Variants in PHTF2 observed in about 807,000 individuals in gnomAD.
The protein encoded by PHTF2 is protein PHTF2.
Under a neutral mutation model 101.2 loss-of-function variants are expected in PHTF2, and 60 were observed. The ratio of observed to expected loss-of-function variants is 0.59; its 90% CI spans 0.48 to 0.73. The LOEUF (loss-of-function observed/expected upper bound fraction) is 0.73, where lower values mean the gene tolerates loss of function less well. Ranked by LOEUF, PHTF2 falls within the 30% of genes least tolerant of loss-of-function variation. PHTF2 has a pLI of 0.00. For missense variants in PHTF2, 747 were observed against 908.7 expected, an observed-to-expected ratio of 0.82 and a Z score of 2.29; for synonymous variants, 311 against 307.3, an observed-to-expected ratio of 1.01 and a Z score of -0.13.
intron 16 of PHTF2, among the ~76,000 whole-genome samples, chr7:77,946,073 TAAG>T (rs1806027409): frequency 6.6e-6 from 1 of 152,168 alleles, no homozygotes; most frequent in Non-Finnish European, 1.5e-5. Flanking sequence ...AACAAAATAC[TAAG>T]AAGATGAAGC....
intron 11 of PHTF2, among the ~76,000 whole-genome samples, chr7:77,925,744 G>C (rs1171535863): frequency 6.6e-6 from 1 of 152,026 alleles, no homozygotes; most frequent in African/African-American, 2.4e-5. Flanking sequence ...ACCACTCCCA[G>C]CCAGAGTTTT....
intron 7 of PHTF2, among the ~76,000 whole-genome samples, chr7:77,907,522 A>C (rs1801978275): frequency 6.6e-6 from 1 of 152,194 alleles, no homozygotes; most frequent in Non-Finnish European, 1.5e-5. Context: ...ATAGTACAAC[A>C]GCTGGGGTGG....
chr7:77,811,895 G>T (rs1480135709), intron 1 of PHTF2, among the ~76,000 whole-genome samples: 1 of 151,880 alleles, frequency 6.6e-6, no homozygotes, highest in Non-Finnish European at 1.5e-5. Context: ...ATATGTGGTG[G>T]GTGTGTGTAA....
At chr7:77,834,312 CAAAAAAAAA>C (rs34947684) in intron 1 of PHTF2, among the ~76,000 whole-genome samples, 2 of 89,086 alleles carry the variant, frequency 2.2e-5, no homozygotes, top group Admixed American at 1.3e-4. Context: ...GACCTTGTCT[CAAAAAAAAA>C]AAAAAAAAAA....
chr7:77,842,715 AT>A (rs1795985669), intron 2 of PHTF2, among the ~76,000 whole-genome samples: 1 of 152,200 alleles, frequency 6.6e-6, no homozygotes. Context: ...GAATACTGGC[AT>A]TTATGGGTGG....
At chr7:77,853,169 C>G (rs1219123154) in intron 2 of PHTF2, among the ~76,000 whole-genome samples, 4 of 152,242 alleles carry the variant, frequency 2.6e-5, no homozygotes, top group African/African-American at 9.6e-5. Flanking sequence ...CCCAATATCT[C>G]TCTCTCTGCC....
intron 9 of PHTF2, among the ~76,000 whole-genome samples, chr7:77,914,762 C>T (rs1220530146): frequency 6.6e-6 from 1 of 152,028 alleles, no homozygotes; most frequent in African/African-American, 2.4e-5. Flanking sequence ...TCTGAAAAAC[C>T]TACCAGAAAT....
At chr7:77,856,078 T>C (rs1797156754) in intron 3 of PHTF2, among the ~76,000 whole-genome samples, 1 of 152,188 alleles carries the variant, frequency 6.6e-6, no homozygotes, top group Non-Finnish European at 1.5e-5. Flanking sequence ...CTAAATATGA[T>C]TTCTTGAAAG....
chr7:77,951,743 T>A, intron 18 of PHTF2, 31 bp downstream of exon 17: 1 of 863,638 alleles, frequency 1.2e-6, no homozygotes, highest in Non-Finnish European at 1.8e-6. Context: ...GGTTATAATG[T>A]CAAATATGCT....
rs139036898 is a variant in PHTF2, at chr7:77,838,198, T to C, written c.-35-2023T>C. 7.1e-4 allele frequency among the ~76,000 whole-genome samples: 108 copies of C among 152,276 alleles called. 1 individual carries two copies. The East Asian group carries it at 0.02, about 29-fold the overall frequency. ...CCTCTGGGATACAAGGTGGTTGAAG[T>C]TAATAAATCATACTCAAAGGCTTCC... On this transcript the variant is annotated intron_variant, in intron 1 of 19. Coordinates refer to ENST00000416283, the Ensembl canonical transcript of PHTF2.
Position 77,897,986 on chromosome 7 carries a change from GT to G in PHTF2, c.217-2711del, listed in dbSNP as rs35435936. ...CGTGAACCACCTTACCTGGCCTTCT[GT>G]TTTTTTTTTTTTTCTTTTTAAACCT... On this transcript the variant is annotated intron_variant, in intron 5 of 19. Coordinates refer to ENST00000416283, the Ensembl canonical transcript of PHTF2. Among the ~76,000 whole-genome samples, 1,203 of 137,820 alleles carry G rather than the reference GT, an allele frequency of 8.7e-3. 10 individuals are homozygous for G. The highest frequency in any genetic ancestry group is 0.014 in the Non-Finnish European group (861 of 63,042). 90.4% of individuals were successfully genotyped at this position (137,820 alleles called of 152,430 possible).
intron 3 of PHTF2, among the ~76,000 whole-genome samples, chr7:77,880,985 A>G (rs910393509): frequency 6.6e-6 from 1 of 152,102 alleles, no homozygotes; most frequent in Non-Finnish European, 1.5e-5. Context: ...CTTATGCTCT[A>G]TCTGGTATCC....
chr7:77,828,678 G>A (rs1264779176), intron 1 of PHTF2, among the ~76,000 whole-genome samples: 1 of 152,038 alleles, frequency 6.6e-6, no homozygotes, highest in Non-Finnish European at 1.5e-5. Context: ...GAAAAAGATA[G>A]CAACATATAT....
intron 1 of PHTF2, among the ~76,000 whole-genome samples, chr7:77,830,953 C>G (rs1795032839): frequency 6.6e-6 from 1 of 152,200 alleles, no homozygotes; most frequent in Admixed American, 6.5e-5. Context: ...AATAACAAAA[C>G]ATTACTAGAG....
At chr7:77,883,002 T>C (rs1322939290) in intron 3 of PHTF2, among the ~76,000 whole-genome samples, 3 of 151,988 alleles carry the variant, frequency 2.0e-5, no homozygotes, top group Non-Finnish European at 2.9e-5. Flanking sequence ...AATATGTAGA[T>C]TAAAATAGAA....
chr7:77,834,129 A>G (rs927565530), intron 1 of PHTF2, among the ~76,000 whole-genome samples: 2 of 152,018 alleles, frequency 1.3e-5, no homozygotes, highest in Admixed American at 6.6e-5. Context: ...CCTGGACAAC[A>G]TAGCCAGACC....
chr7:77,834,711 G>A (rs1406269675), intron 1 of PHTF2, among the ~76,000 whole-genome samples: 1 of 152,188 alleles, frequency 6.6e-6, no homozygotes, highest in South Asian at 2.1e-4. Context: ...AGAGCACACA[G>A]CTCTTAGTAT....
At chr7:77,836,510 T>C (rs989718980) in intron 1 of PHTF2, among the ~76,000 whole-genome samples, 2 of 152,128 alleles carry the variant, frequency 1.3e-5, no homozygotes, top group Non-Finnish European at 2.9e-5. Context: ...ATACAGCAAA[T>C]AAAGACACAT....
At chr7:77,930,098 C>T (rs1244585838) in intron 12 of PHTF2, among the ~76,000 whole-genome samples, 3 of 151,922 alleles carry the variant, frequency 2.0e-5, no homozygotes, top group African/African-American at 4.8e-5. Context: ...GGATTACAGG[C>T]GCCCGCCACC....
Sources: gnomAD v4.1 joint callset for allele counts (sites outside exome capture counted in the v4.1 genomes callset) on GRCh38, gnomAD v4.1.1 for gene constraint, MANE v1.5 for transcripts, NCBI Gene and HGNC (gene_info 2026-07-23, HGNC 2026-07-21) for gene names.